The following NAV3 variants were observed in gnomAD, a reference collection of about 807,000 sequenced individuals.
NAV3 encodes pore membrane and/or filament interacting like protein 1.
In NAV3, 87 loss-of-function variants were observed where a neutral mutation model predicts 244.7. That is an observed-to-expected ratio of 0.36 (90% CI 0.30 to 0.42). NAV3 has a LOEUF of 0.42. Among genes scored for constraint, NAV3 ranks in the 20% least tolerant of loss-of-function variants. The pLI is 1.00. For missense variants in NAV3, 2,663 were observed against 2,893.3 expected (o/e 0.92, Z 1.83); for synonymous variants, 1,126 against 1,042.2 (o/e 1.08, Z -1.55).
rs114612518 is a variant in NAV3 at position 77,742,905 on chromosome 12, C to T, written c.72+170639C>T. Among the ~76,000 whole-genome samples the T allele has an allele frequency of 6.2e-3, 947 of 152,040 alleles. 11 individuals are homozygous for T. The highest frequency in any genetic ancestry group is 0.022 in the African/African-American group (908 of 41,512). On this transcript the variant is annotated intron_variant, in intron 2 of 8. Coordinates refer to the NAV3 transcript ENST00000550042. ...GTAAAAAGTGATCTCTCATGGTTCT[C>T]ATGTATTTGTCATCATGTTTAGTGC...
chr12:77,998,216 C>T, intron 6 of NAV3, 121 bp from the exon 7 acceptor site: 1 of 644,324 alleles, frequency 1.6e-6, no homozygotes, highest in Non-Finnish European at 2.4e-6. Context: ...CATCTATCAC[C>T]ATTTTCTGCT....
At chr12:78,149,068 C>T (rs1956973279) in intron 22 of NAV3, 149 bp downstream of exon 22, 1 of 659,948 alleles carries the variant, frequency 1.5e-6, no homozygotes, top group Non-Finnish European at 2.6e-6. Context: ...CATTTTTTGC[C>T]TACTCAGTAA....
intron 20 of NAV3, among the ~76,000 whole-genome samples, chr12:78,142,808 T>A (rs1956687352): frequency 6.6e-6 from 1 of 150,588 alleles, no homozygotes; most frequent in Non-Finnish European, 1.5e-5. Flanking sequence ...AAGAATGGAT[T>A]AGGTGATCGA....
intron 12 of NAV3, among the ~76,000 whole-genome samples, chr12:78,104,543 C>T (rs1033253222): frequency 2.6e-5 from 4 of 152,148 alleles, no homozygotes; most frequent in Non-Finnish European, 5.9e-5. Flanking sequence ...TTGGCCCCAT[C>T]GAGTTACTGA....
intron 2 of NAV3, among the ~76,000 whole-genome samples, chr12:77,653,143 T>TG (rs1333193859): frequency 1.3e-5 from 2 of 152,306 alleles, no homozygotes; most frequent in East Asian, 3.9e-4. Context: ...TAGCAAAAGC[T>TG]GATTCTATGA....
At chr12:77,838,401 G>A (rs1875035205) in intron 1 of NAV3, among the ~76,000 whole-genome samples, 1 of 152,078 alleles carries the variant, frequency 6.6e-6, no homozygotes, top group Admixed American at 6.5e-5. Flanking sequence ...GTCTTTAAAG[G>A]CTTATATTTC....
At chr12:78,108,312 A>G (rs1221411110) in intron 12 of NAV3, among the ~76,000 whole-genome samples, 1 of 152,200 alleles carries the variant, frequency 6.6e-6, no homozygotes, top group East Asian at 1.9e-4. Context: ...CCACAAAGCA[A>G]ATATTAGACC....
In NAV3 at chr12:77,700,276, A is replaced by T. The variant is rs1268511705; in HGVS notation, c.72+128010A>T. Among the ~76,000 whole-genome samples, 4 of 152,160 alleles carry T rather than the reference A, an allele frequency of 2.6e-5. No homozygotes were observed. The East Asian group carries it at 7.7e-4, about 29-fold the overall frequency. ...TGAAATGACCTTGGAGTTGGAAGGG[A>T]TCTGCACCATGTGCTGTATTCACAA... On this transcript the variant is annotated intron_variant, in intron 2 of 8. Transcript: ENST00000550042.
rs968934287 is a variant in NAV3 at position 77,658,546 on chromosome 12, T to C, written c.72+86280T>C. On this transcript the variant is annotated intron_variant, in intron 2 of 8. Coordinates refer to the NAV3 transcript ENST00000550042. ...TGGCCATACTGCCCAAGGTAATGTATAGATTCAATGCCATCCCCATCAAGC... is the reference window on the plus strand; with the variant it reads ...TGGCCATACTGCCCAAGGTAATGTACAGATTCAATGCCATCCCCATCAAGC... 1.8e-3 allele frequency among the ~76,000 whole-genome samples: 270 copies of C among 151,606 alleles called. 2 individuals carry two copies. The highest frequency in any genetic ancestry group is 6.3e-3 in the African/African-American group (259 of 41,278).
intron 12 of NAV3, among the ~76,000 whole-genome samples, chr12:78,072,945 A>G (rs1407268989): frequency 7.0e-6 from 1 of 143,754 alleles, no homozygotes; most frequent in Non-Finnish European, 1.5e-5. Flanking sequence ...CCACATGATT[A>G]TCTCACTAGA....
At chr12:78,201,430 T>A (rs1360883384) in intron 38 of NAV3, among the ~76,000 whole-genome samples, 1 of 151,940 alleles carries the variant, frequency 6.6e-6, no homozygotes, top group African/African-American at 2.4e-5. Context: ...TACTCTAAAT[T>A]CTAAGAGAGT....
intron 2 of NAV3, among the ~76,000 whole-genome samples, chr12:77,608,876 C>T (rs1042220319): frequency 6.6e-6 from 1 of 151,990 alleles, no homozygotes; most frequent in African/African-American, 2.4e-5. Flanking sequence ...ATTTGTATGA[C>T]CTCCATCAAG....
chr12:77,867,817 G>A (rs1378024884), intron 1 of NAV3, among the ~76,000 whole-genome samples: 2 of 152,184 alleles, frequency 1.3e-5, no homozygotes, highest in Non-Finnish European at 2.9e-5. Context: ...AAGTAATAAT[G>A]TGACCCTATG....
chr12:77,612,990 T>C (rs1297986705), intron 2 of NAV3, among the ~76,000 whole-genome samples: 1 of 152,112 alleles, frequency 6.6e-6, no homozygotes, highest in African/African-American at 2.4e-5. Context: ...AGGATGTATT[T>C]ACTTCCCCTT....
chr12:77,848,946 A>T (rs954181026), intron 1 of NAV3, among the ~76,000 whole-genome samples: 2 of 152,148 alleles, frequency 1.3e-5, no homozygotes, highest in African/African-American at 4.8e-5. Context: ...TGCTGTGTTT[A>T]CCAGTCAGTC....
In NAV3 at chr12:77,666,959, A is replaced by G. The variant is rs542306586; in HGVS notation, c.72+94693A>G. Among the ~76,000 whole-genome samples, 9 of 152,360 alleles carry G rather than the reference A, an allele frequency of 5.9e-5. No individual in the cohort carries two copies. In the South Asian group the frequency reaches 1.2e-3, roughly 21 times the overall value. The stretch of plus-strand genomic sequence containing the variant: ...CTATCTTATAAATGAGACATTTGTT[A>G]CAAATTTTATGAACTAAAATGGAGT... On this transcript the variant is annotated intron_variant, in intron 2 of 8. Coordinates refer to the NAV3 transcript ENST00000550042.
At chr12:78,167,461 A>T (rs924408514) in intron 23 of NAV3, among the ~76,000 whole-genome samples, 1 of 151,608 alleles carries the variant, frequency 6.6e-6, no homozygotes, top group Admixed American at 6.6e-5. Context: ...GAAAATAGAT[A>T]TATGAGGTGC....
chr12:77,709,624 G>A (rs1400297851), intron 2 of NAV3, among the ~76,000 whole-genome samples: 2 of 152,086 alleles, frequency 1.3e-5, no homozygotes, highest in Non-Finnish European at 2.9e-5. Flanking sequence ...AAAATGACGA[G>A]TTAAGTATAT....
At chr12:77,659,842 C>T (rs1873343601) in intron 2 of NAV3, among the ~76,000 whole-genome samples, 1 of 151,820 alleles carries the variant, frequency 6.6e-6, no homozygotes, top group Non-Finnish European at 1.5e-5. Context: ...GCATCATTCT[C>T]AGTAAACTAT....
Sources: allele counts gnomAD v4.1 joint callset (sites outside exome capture counted in the v4.1 genomes callset), GRCh38; gene constraint gnomAD v4.1.1; transcripts MANE v1.5; gene names NCBI Gene and HGNC (gene_info 2026-07-23, HGNC 2026-07-21).